SP3: variants seen among roughly 807,000 people sequenced by gnomAD.
SP3 encodes Sp3 transcription factor.
In SP3, 10 loss-of-function variants were observed where a neutral mutation model predicts 70.3. The ratio of observed to expected loss-of-function variants is 0.14; its 90% CI spans 0.09 to 0.24. SP3 has a LOEUF of 0.24. SP3 is among the 10% of genes least tolerant of loss of function. SP3 has a pLI of 1.00. For missense variants in SP3, 825 were observed against 914.6 expected (o/e 0.90, Z 1.26); for synonymous variants, 402 against 333.5 (o/e 1.21, Z -2.24).
At chr2:173,935,567 G>C (rs1213168182) in intron 4 of SP3, among the ~76,000 whole-genome samples, 1 of 152,064 alleles carries the variant, frequency 6.6e-6, no homozygotes, top group Non-Finnish European at 1.5e-5. Flanking sequence ...GGTAGAAAAT[G>C]TACACACTTC....
chr2:173,964,520 G>A lies in SP3; in HGVS notation c.41C>T (p.Ala14Val). The change falls in exon 2 of 7, where the codon GCT becomes GTT. Residue 14 changes from alanine to valine, a missense_variant. Transcript: ENST00000310015. ...GCCGCCGCTATCCACGTCCAAGGCA[G>A]CCATTTCCTCTTGTTTCACGGGCTT... ...PEKPVKQEEMAALDVDSGGGG... is the reference protein window; with the variant it reads ...PEKPVKQEEMVALDVDSGGGG... 1.8e-6 allele frequency: 1 copy of A among 569,108 alleles called. No homozygotes were observed. The highest frequency in any genetic ancestry group is 3.4e-6 in the Non-Finnish European group (1 of 294,770). 35.3% of individuals were successfully genotyped at this position (569,108 alleles called of 1,614,324 possible). A position where few individuals can be genotyped will look rare whatever the true frequency, so the allele number is the denominator to read the frequency against.
At chr2:173,924,024 A>G (rs1184127752) in intron 4 of SP3, among the ~76,000 whole-genome samples, 1 of 152,056 alleles carries the variant, frequency 6.6e-6, no homozygotes, top group Non-Finnish European at 1.5e-5. Flanking sequence ...TAATGCTAAA[A>G]GAAGTTAACA....
chr2:173,904,384 G>C lies in SP3; in HGVS notation c.*5557C>G, dbSNP rs1017251471. On this transcript the variant is annotated 3_prime_UTR_variant, in exon 7 of 7. Coordinates refer to ENST00000310015, the MANE Select transcript of SP3 (RefSeq NM_003111.5). ...TCAGTTGTCTTAGTTGGCATTATTT[G>C]GTAGCAAGTAACAGCCTTCTGACTT... is the stretch of plus-strand genomic sequence containing the variant. Among the ~76,000 whole-genome samples, 1 of 152,134 alleles carries C rather than the reference G, an allele frequency of 6.6e-6. No individual in the cohort carries two copies. The highest frequency in any genetic ancestry group is 1.5e-5 in the Non-Finnish European group (1 of 68,018).
In SP3 at chr2:173,963,823, A is replaced by T; in HGVS notation, c.217T>A (p.Ser73Thr). Residue 73 changes from serine (S) to threonine (T), a missense_variant, in exon 3 of 7, where the codon TCG becomes ACG. By Grantham distance (58) the Ser-to-Thr change is moderately conservative (BLOSUM62 1). Transcript: ENST00000310015. ...GCCTCCTCCTCGTCGTCGCCCGGCG[A>T]TGGCGGCCCTATCTTGCTGCAGGTA... Reference protein sequence around the residue: ...AATCSKIGPPSPGDDEEEAAA... With the variant: ...AATCSKIGPPTPGDDEEEAAA... 1 of 1,475,968 alleles carries T rather than the reference A, an allele frequency of 6.8e-7. No individual in the cohort carries two copies. Among genetic ancestry groups the T allele is most frequent in the South Asian group, 1.3e-5 (1 of 77,792 alleles). 91.4% of individuals were successfully genotyped at this position (1,475,968 alleles called of 1,614,324 possible). A position where few individuals can be genotyped will look rare whatever the true frequency, so the allele number is the denominator to read the frequency against.
Position 173,918,791 on chromosome 2 carries a change from G to C in SP3, c.1640-6C>G. The C allele has an allele frequency of 6.3e-7, 1 of 1,588,106 alleles. No individual in the cohort carries two copies. The highest frequency in any genetic ancestry group is 8.6e-7 in the Non-Finnish European group (1 of 1,169,290). On this transcript the variant is annotated splice_region_variant and splice_polypyrimidine_tract_variant and intron_variant, in intron 4 of 6. Transcript: ENST00000310015. ...TTCTTCCTTGATCCTAATATCTAAA[G>C]GGAAAAAAAAACCAAATACAGATGA...
At chr2:173,939,600 C>T (rs1388165448) in intron 4 of SP3, among the ~76,000 whole-genome samples, 1 of 151,682 alleles carries the variant, frequency 6.6e-6, no homozygotes, top group African/African-American at 2.4e-5. Flanking sequence ...ACTGTCTCTA[C>T]TAAAAATACA....
Position 173,955,534 on chromosome 2 carries a change from A to T in SP3, c.978T>A (p.Asp326Glu), listed in dbSNP as rs537059457. 4.4e-4 allele frequency: 711 copies of T among 1,614,130 alleles called. 6 individuals are homozygous for T. The South Asian group carries it at 7.3e-3, about 17-fold the overall frequency. Residue 326 changes from aspartate (D) to glutamate (E), a missense_variant, in exon 4 of 7, where the codon GAT becomes GAA. Around this residue, in one of 4 missense-constraint regions of SP3, gnomAD observed 678 missense variants for 651.6 expected, o/e 1.04. Coordinates refer to ENST00000310015, the MANE Select transcript of SP3 (RefSeq NM_003111.5). ...VSPDINETNT[D>E]TDLFVPTSSS... ...AGGATGTTGGCACAAATAAATCTGT[A>T]TCAGTATTAGTTTCATTAATATCAG...
intron 4 of SP3, among the ~76,000 whole-genome samples, chr2:173,935,872 G>A (rs1372850390): frequency 2.1e-5 from 3 of 141,848 alleles, no homozygotes; most frequent in Admixed American, 6.7e-5. Flanking sequence ...TTCATCTCTT[G>A]TATTCCTGAT....
rs1689275408 is a variant in SP3 at position 173,904,993 on chromosome 2, G to A, written c.*4948C>T. Among the ~76,000 whole-genome samples the A allele has an allele frequency of 6.6e-6, 1 of 152,268 alleles. No homozygotes were observed. On this transcript the variant is annotated 3_prime_UTR_variant, in exon 7 of 7. Coordinates refer to ENST00000310015, the MANE Select transcript of SP3 (RefSeq NM_003111.5). ...GCTGGTTTTTAGAAATGTTCAAATA[G>A]GATAGACTCTTACACAGGGGTGTAA...
intron 4 of SP3, among the ~76,000 whole-genome samples, chr2:173,946,455 A>C (rs781661313): frequency 1.3e-5 from 2 of 151,064 alleles, no homozygotes; most frequent in Non-Finnish European, 3.0e-5. Flanking sequence ...CAAATCATCA[A>C]TTTTTTAAAT....
rs1341899177 is a variant in SP3, at chr2:173,956,239, G to A, written c.280-7C>T. 4.5e-6 allele frequency: 7 copies of A among 1,564,384 alleles called. No homozygotes were observed. The highest frequency in any genetic ancestry group is 2.7e-5 in the African/African-American group (2 of 72,748). ...CAGAAGCCAAATCACCTGTCTGGAT[G>A]AAGAAAACAAAAAGGTGATATATTT... On this transcript the variant is annotated splice_region_variant and splice_polypyrimidine_tract_variant and intron_variant, in intron 3 of 6. Transcript: ENST00000310015.
At position 173,903,866 on chromosome 2, in the gene SP3, T is replaced by G. The variant is rs1034910323; in HGVS notation, c.*6075A>C. Among the ~76,000 whole-genome samples, 2 of 152,204 alleles carry G rather than the reference T, an allele frequency of 1.3e-5. No individual in the cohort carries two copies. Among genetic ancestry groups the G allele is most frequent in the African/African-American group, 2.4e-5 (1 of 41,458 alleles). Reference sequence around the variant, plus strand: ...TCCAAGCTATATACTAAGTTCTGCCTTGTCTAAACCTGACTCACTTGGCAG... The same window carrying G: ...TCCAAGCTATATACTAAGTTCTGCCGTGTCTAAACCTGACTCACTTGGCAG... On this transcript the variant is annotated 3_prime_UTR_variant, in exon 7 of 7. Transcript: ENST00000310015.
chr2:173,911,961 G>A (rs1250308137), intron 6 of SP3, among the ~76,000 whole-genome samples: 1 of 151,912 alleles, frequency 6.6e-6, no homozygotes, highest in Admixed American at 6.6e-5. Context: ...TGGGACTACA[G>A]GTACACACCA....
intron 3 of SP3, among the ~76,000 whole-genome samples, chr2:173,957,238 A>C (rs931662272): frequency 6.6e-6 from 1 of 152,214 alleles, no homozygotes; most frequent in Non-Finnish European, 1.5e-5. Flanking sequence ...ATTTACCAAG[A>C]TGAAATACAC....
intron 3 of SP3, among the ~76,000 whole-genome samples, chr2:173,956,818 T>C (rs1354308927): frequency 6.6e-6 from 1 of 152,208 alleles, no homozygotes; most frequent in East Asian, 1.9e-4. Context: ...GTCATTGCCC[T>C]GTGACCACAT....
Position 173,955,459 on chromosome 2 carries a change from T to C in SP3, c.1053A>G (p.Gln351=), listed in dbSNP as rs770842863. The C allele has an allele frequency of 2.0e-5, 33 of 1,614,068 alleles. No homozygotes were observed. Among genetic ancestry groups the C allele is most frequent in the South Asian group, 4.4e-5 (4 of 91,090 alleles). The change falls in exon 4 of 7, where the codon CAA becomes CAG. Residue 351 remains glutamine, a synonymous_variant. Coordinates refer to ENST00000310015, the MANE Select transcript of SP3 (RefSeq NM_003111.5). ...VTIDSTGILQ[Q]NTNSLTTSSG... is the part of the protein sequence containing the mutation. ...TAGATGTAGTCAAGCTATTTGTGTT[T>C]TGTTGTAATATACCTGTACTATCTA...
At chr2:173,939,514 A>C (rs1471150520) in intron 4 of SP3, among the ~76,000 whole-genome samples, 1 of 152,176 alleles carries the variant, frequency 6.6e-6, no homozygotes, top group Non-Finnish European at 1.5e-5. Context: ...CTGTAATCCC[A>C]GCACTTTGGG....
At chr2:173,943,996 T>C (rs1690456304) in intron 4 of SP3, among the ~76,000 whole-genome samples, 1 of 152,238 alleles carries the variant, frequency 6.6e-6, no homozygotes, top group Non-Finnish European at 1.5e-5. Context: ...ATGGTATGTA[T>C]CTGTATATCT....
intron 5 of SP3, chr2:173,914,315 C>T (rs1210279763): frequency 6.6e-6 from 1 of 152,074 alleles, no homozygotes; most frequent in East Asian, 1.9e-4. Flanking sequence ...CCCAACTCCC[C>T]TCCTCCCCCA....
Sources: allele counts gnomAD v4.1 joint callset (sites outside exome capture counted in the v4.1 genomes callset), GRCh38; gene constraint gnomAD v4.1.1; regional missense constraint gnomAD v4.1.1; transcripts MANE v1.5; gene names NCBI Gene and HGNC (gene_info 2026-07-23, HGNC 2026-07-21).